SEC63: variants seen among roughly 807,000 people sequenced by gnomAD.
SEC63 encodes translocation protein SEC63 homolog.
Under a neutral mutation model 116.2 loss-of-function variants are expected in SEC63, and 56 were observed. That is an observed-to-expected ratio of 0.48 (90% confidence interval 0.39 to 0.60). SEC63 has a LOEUF of 0.60. SEC63 is among the 20% of genes least tolerant of loss of function. The pLI is 0.00. For synonymous variants in SEC63, 273 were observed against 294.6 expected (o/e 0.93, Z 0.75); for missense variants, 668 against 900.0 (o/e 0.74, Z 3.30).
At chr6:107,921,454 T>C (rs1263574892) in intron 4 of SEC63, among the ~76,000 whole-genome samples, 1 of 115,298 alleles carries the variant, frequency 8.7e-6, no homozygotes, top group East Asian at 3.2e-4. Context: ...AAAACTATCC[T>C]TTTTTTTTTT....
At chr6:107,910,895 T>A (rs1787268679) in intron 7 of SEC63, among the ~76,000 whole-genome samples, 2 of 152,110 alleles carry the variant, frequency 1.3e-5, no homozygotes, top group Admixed American at 1.3e-4. Flanking sequence ...TAATTTTGTA[T>A]TTTTAGTAAA....
In SEC63 at chr6:107,957,960, TAGA is replaced by T. The variant is rs752984272; in HGVS notation, c.47_49del (p.Phe16del). On this transcript the variant is annotated inframe_deletion, in exon 1 of 21. Coordinates refer to ENST00000369002, the MANE Select transcript of SEC63 (RefSeq NM_007214.5). ...GAGCCCCACGAAGGAGGTGAGGAAG[TAGA>T]AGAAGGTGTTCCCACTGTCATCGTA... 12 of 1,613,258 alleles carry T rather than the reference TAGA, an allele frequency of 7.4e-6. No individual in the cohort carries two copies. Among genetic ancestry groups the T allele is most frequent in the East Asian group, 2.2e-5 (1 of 44,842 alleles).
intron 16 of SEC63, among the ~76,000 whole-genome samples, chr6:107,889,074 G>C (rs1786609540): frequency 6.6e-6 from 1 of 152,172 alleles, no homozygotes; most frequent in South Asian, 2.1e-4. Context: ...GTCTCTGCCA[G>C]GTTTTGGTAT....
chr6:107,929,349 A>T, intron 2 of SEC63, 66 bp downstream of exon 2: 2 of 820,376 alleles, frequency 2.4e-6, no homozygotes, highest in South Asian at 1.4e-5. Flanking sequence ...CATTACACGT[A>T]TATGTTGTAT....
chr6:107,940,823 C>CT (rs1218752621), intron 1 of SEC63, among the ~76,000 whole-genome samples: 2 of 149,144 alleles, frequency 1.3e-5, no homozygotes, highest in Non-Finnish European at 3.0e-5. Context: ...GCTGCAGTAT[C>CT]TTTGAGTACT....
At chr6:107,924,549 G>C (rs1348213823) in intron 3 of SEC63, among the ~76,000 whole-genome samples, 2 of 152,156 alleles carry the variant, frequency 1.3e-5, no homozygotes, top group Non-Finnish European at 2.9e-5. Context: ...CTGGGCTACA[G>C]AGTGAGACTC....
intron 3 of SEC63, among the ~76,000 whole-genome samples, chr6:107,923,141 T>C (rs963614553): frequency 2.0e-5 from 3 of 152,226 alleles, no homozygotes; most frequent in Non-Finnish European, 4.4e-5. Context: ...ATTCTACTGA[T>C]AAACACAAAA....
intron 16 of SEC63, among the ~76,000 whole-genome samples, chr6:107,889,197 T>A (rs1032723081): frequency 6.6e-6 from 1 of 152,210 alleles, no homozygotes; most frequent in South Asian, 2.1e-4. Flanking sequence ...CTGGTAGAAT[T>A]TGGCCGTGAA....
chr6:107,896,142 G>A (rs1259773624), intron 14 of SEC63, among the ~76,000 whole-genome samples: 2 of 151,996 alleles, frequency 1.3e-5, no homozygotes, highest in East Asian at 1.9e-4. Context: ...CTCAAGCCTA[G>A]GTAACACAGT....
rs553441533 is a variant in SEC63, at chr6:107,899,447, G to A, written c.1358-1716C>T. ...GCATGTACTTTTGGCCAGGCATGGT[G>A]GCTCACGCCTATAATCCCAGCACTC... is the stretch of plus-strand genomic sequence containing the variant. On this transcript the variant is annotated intron_variant, in intron 13 of 20. Coordinates refer to ENST00000369002, the MANE Select transcript of SEC63 (RefSeq NM_007214.5). Among the ~76,000 whole-genome samples the A allele has an allele frequency of 1.2e-3, 176 of 152,254 alleles. 2 individuals carry two copies. Among genetic ancestry groups the A allele is most frequent in the African/African-American group, 4.1e-3 (170 of 41,562 alleles).
At chr6:107,934,444 C>A (rs1343909973) in intron 1 of SEC63, among the ~76,000 whole-genome samples, 3 of 150,200 alleles carry the variant, frequency 2.0e-5, no homozygotes, top group Admixed American at 6.6e-5. Flanking sequence ...TGCCCGGCCG[C>A]GACCCCGTCT....
intron 1 of SEC63, among the ~76,000 whole-genome samples, chr6:107,931,061 G>A (rs2114490299): frequency 6.6e-6 from 1 of 152,124 alleles, no homozygotes; most frequent in South Asian, 2.1e-4. Context: ...TGGGTGCAGT[G>A]GCTCACACCT....
chr6:107,901,752 T>C (rs1412457614), intron 12 of SEC63, among the ~76,000 whole-genome samples: 1 of 151,986 alleles, frequency 6.6e-6, no homozygotes, highest in African/African-American at 2.4e-5. Flanking sequence ...TTTTTTTAAA[T>C]TAGAAAAAAC....
chr6:107,908,560 G>A (rs758960754), intron 8 of SEC63, among the ~76,000 whole-genome samples: 44 of 152,130 alleles, frequency 2.9e-4, no homozygotes, highest in Non-Finnish European at 5.3e-4. Context: ...TCTATAAGAT[G>A]TACTGTAAAA....
intron 16 of SEC63, among the ~76,000 whole-genome samples, chr6:107,893,184 G>A (rs1786729740): frequency 6.6e-6 from 1 of 151,170 alleles, no homozygotes; most frequent in Non-Finnish European, 1.5e-5. Context: ...AAACAATACA[G>A]AGGGATTATC....
intron 1 of SEC63, among the ~76,000 whole-genome samples, chr6:107,933,468 C>A (rs1787855936): frequency 6.6e-6 from 1 of 152,180 alleles, no homozygotes; most frequent in Non-Finnish European, 1.5e-5. Flanking sequence ...CATATGCCAC[C>A]TGACAGCATA....
chr6:107,932,576 C>T (rs191311476), intron 1 of SEC63, among the ~76,000 whole-genome samples: 1 of 152,026 alleles, frequency 6.6e-6, no homozygotes, highest in African/African-American at 2.4e-5. Flanking sequence ...ATTAAAGATA[C>T]CTGGAGTCAG....
intron 1 of SEC63, chr6:107,955,838 A>G (rs1770700062): frequency 5.5e-6 from 1 of 183,166 alleles, no homozygotes. Context: ...AGTCAAGATC[A>G]AGCCACTGCA....
At position 107,914,306 on chromosome 6, in the gene SEC63, G is replaced by T. The variant is rs552597125; in HGVS notation, c.453-879C>A. ...ACATAATAAGGAAGACATTCTTGGA[G>T]ACCAACTGGTAAAAGATCTTCCATA... On this transcript the variant is annotated intron_variant, in intron 4 of 20. Transcript: ENST00000369002. Among the ~76,000 whole-genome samples, 8 of 152,172 alleles carry T rather than the reference G, an allele frequency of 5.3e-5. No homozygotes were observed. In the South Asian group the frequency reaches 1.7e-3, roughly 32 times the overall value.
Sources: allele counts gnomAD v4.1 joint callset (sites outside exome capture counted in the v4.1 genomes callset), GRCh38; gene constraint gnomAD v4.1.1; transcripts MANE v1.5; gene names NCBI Gene and HGNC (gene_info 2026-07-23, HGNC 2026-07-21).